ZNF184: variants seen among roughly 807,000 people sequenced by gnomAD.
The protein encoded by ZNF184 is zinc finger protein 184 (Kruppel-like).
A neutral mutation model predicts 54.4 loss-of-function variants in ZNF184; 16 were observed. That is an observed-to-expected ratio of 0.29 (90% CI 0.20 to 0.45). The LOEUF (loss-of-function observed/expected upper bound fraction) is 0.45, where lower values mean the gene tolerates loss of function less well. Among genes scored for constraint, ZNF184 ranks in the 20% least tolerant of loss-of-function variants. The pLI is 1.00. For missense variants in ZNF184, 681 were observed against 888.2 expected, an observed-to-expected ratio of 0.77 and a Z score of 2.97; for synonymous variants, 254 against 295.3, an observed-to-expected ratio of 0.86 and a Z score of 1.43.
At chr6:27,421,174 A>G in the ZNF184 span, among the ~76,000 whole-genome samples, 3 of 152,234 alleles carry the variant, frequency 2.0e-5, no homozygotes, top group South Asian at 2.1e-4. Context: ...ACATGCCACT[A>G]TACATTTGTT....
the ZNF184 span, among the ~76,000 whole-genome samples, chr6:27,414,982 T>C: frequency 1.3e-5 from 2 of 152,198 alleles, no homozygotes; most frequent in African/African-American, 4.8e-5. Context: ...TGAGGCTGTT[T>C]CCTAAAATGT....
the ZNF184 span, among the ~76,000 whole-genome samples, chr6:27,435,564 TAAAA>T: frequency 2.0e-5 from 3 of 152,222 alleles, no homozygotes; most frequent in Non-Finnish European, 1.5e-5. Context: ...TTTCTGCACA[TAAAA>T]TCAAGCCATC....
chr6:27,424,036 G>T, the ZNF184 span, among the ~76,000 whole-genome samples: 1 of 152,142 alleles, frequency 6.6e-6, no homozygotes, highest in Admixed American at 6.5e-5. Context: ...GAACCCTCGC[G>T]GTGAGCGTTA....
chr6:27,408,015 TTGGTTATA>T, the ZNF184 span: 1 of 1,166,062 alleles, frequency 8.6e-7, no homozygotes, highest in South Asian at 1.2e-5. Context: ...TGTTCATCTC[TTGGTTATA>T]TGCAAATGTG....
In ZNF184 at chr6:27,452,440, C is replaced by T; in HGVS notation, c.1119G>A (p.Arg373=). ...KCDECDKTFT[R]STHLTQHQKI... ...TTTGATGTTGAGTAAGGTGTGTGCT[C>T]CTGGTGAAGGTTTTATCACATTCAT... The change falls in exon 6 of 6, where the codon AGG becomes AGA. Residue 373 remains arginine (R), a synonymous_variant. Transcript: ENST00000683788. The surrounding 1 kb of genome is among the most constrained non-coding windows in gnomAD (Gnocchi z 5.5). The T allele has an allele frequency of 7.4e-6, 12 of 1,613,958 alleles. No homozygotes were observed. Among genetic ancestry groups the T allele is most frequent in the Non-Finnish European group, 1.0e-5 (12 of 1,179,984 alleles).
chr6:27,458,065 A>T (rs1762905386), intron 3 of ZNF184, among the ~76,000 whole-genome samples: 1 of 152,022 alleles, frequency 6.6e-6, no homozygotes. Flanking sequence ...TTAAGGTGAG[A>T]TCCTTACTTC....
chr6:27,412,270 C>T, the ZNF184 span, among the ~76,000 whole-genome samples: 2 of 152,148 alleles, frequency 1.3e-5, no homozygotes, highest in Non-Finnish European at 2.9e-5. Flanking sequence ...AGGAGTTGCC[C>T]CAGGCCACCA....
chr6:27,465,016 C>CCAAA (rs1763090977), intron 3 of ZNF184, among the ~76,000 whole-genome samples: 1 of 48,944 alleles, frequency 2.0e-5, no homozygotes, highest in Non-Finnish European at 3.4e-5. Flanking sequence ...GACTCTGTCT[C>CCAAA]AAAAAAAAAA....
At chr6:27,407,898 G>C in the ZNF184 span, 1 of 931,376 alleles carries the variant, frequency 1.1e-6, no homozygotes, top group Non-Finnish European at 1.8e-6. Context: ...AATGAGTGAA[G>C]ATGAGCTGAT....
At chr6:27,407,798 T>C in the ZNF184 span, 2 of 778,014 alleles carry the variant, frequency 2.6e-6, no homozygotes, top group South Asian at 2.7e-5. Flanking sequence ...AAATGCACGA[T>C]TATGATGGCA....
At chr6:27,456,713 C>T (rs1434857942) in intron 5 of ZNF184, 113 bp downstream of exon 5, 1 of 900,020 alleles carries the variant, frequency 1.1e-6, no homozygotes, top group Non-Finnish European at 1.7e-6. Flanking sequence ...CATTTCTCCA[C>T]AGGAAATACT....
the ZNF184 span, among the ~76,000 whole-genome samples, chr6:27,443,871 C>T: frequency 6.6e-6 from 1 of 152,104 alleles, no homozygotes; most frequent in Non-Finnish European, 1.5e-5. Context: ...CTCATAAGCA[C>T]CCTTGCTGTC....
chr6:27,434,462 A>G, the ZNF184 span, among the ~76,000 whole-genome samples: 1 of 152,154 alleles, frequency 6.6e-6, no homozygotes. Context: ...TATACAGTAT[A>G]TCTTCTTTGG....
chr6:27,468,037 A>C (rs1763186274), intron 2 of ZNF184, 117 bp from the exon 3 acceptor site: 4 of 888,384 alleles, frequency 4.5e-6, no homozygotes, highest in Non-Finnish European at 6.5e-6. Flanking sequence ...TTTCCTTTAT[A>C]TTTTAGAATG....
chr6:27,454,288 G>A (rs1408756395), intron 5 of ZNF184, among the ~76,000 whole-genome samples: 17 of 152,038 alleles, frequency 1.1e-4, no homozygotes, highest in African/African-American at 2.4e-5. Flanking sequence ...CACTATCACC[G>A]CAAGCATGAG....
Position 27,452,329 on chromosome 6 carries a change from C to A in ZNF184, c.1230G>T (p.Met410Ile), listed in dbSNP as rs1762750440. 6.2e-7 allele frequency: 1 copy of A among 1,613,556 alleles called. No individual in the cohort carries two copies. The highest frequency in any genetic ancestry group is 1.3e-5 in the African/African-American group (1 of 74,792). ...CGTACGGTTTTTCACCAGTATGAAT[C>A]ATATGATGACGGATAAAAGTTGAGG... The part of the protein sequence containing the change: ...NGPSTFIRHH[M>I]IHTGEKPYEC... The change falls in exon 6 of 6, where the codon ATG becomes ATT. Residue 410 changes from methionine (M) to isoleucine (I), a missense_variant. Met to Ile is a conservative substitution (Grantham distance 10, BLOSUM62 1). Transcript: ENST00000683788. This position sits in a 1 kb window ranked among gnomAD's most constrained non-coding sequence, Gnocchi z 5.5.
intron 3 of ZNF184, among the ~76,000 whole-genome samples, chr6:27,465,768 G>C (rs376614420): frequency 6.6e-6 from 1 of 152,148 alleles, no homozygotes. Context: ...AAACAGCAAG[G>C]AGAAACAGAC....
intron 5 of ZNF184, among the ~76,000 whole-genome samples, chr6:27,456,004 T>C (rs962892210): frequency 1.3e-5 from 2 of 152,176 alleles, no homozygotes; most frequent in African/African-American, 2.4e-5. Flanking sequence ...ACACCTGTAA[T>C]TGCAGCACTT....
downstream of ZNF184, among the ~76,000 whole-genome samples, chr6:27,447,099 T>C (rs896995882): frequency 9.4e-5 from 14 of 149,494 alleles, no homozygotes; most frequent in Non-Finnish European, 4.4e-5. Flanking sequence ...AAAGTCTTAA[T>C]GTTTTCCCTG....
Sources: allele counts gnomAD v4.1 joint callset (sites outside exome capture counted in the v4.1 genomes callset), GRCh38; gene constraint gnomAD v4.1.1; non-coding constraint Gnocchi (gnomAD v3.1); transcripts MANE v1.5; gene names NCBI Gene and HGNC (gene_info 2026-07-23, HGNC 2026-07-21).